The following MIGA2 variants were observed in gnomAD, a reference collection of about 807,000 sequenced individuals.
MIGA2 encodes the protein mitoguardin 2, also known as family with sequence similarity 73, member B.
MIGA2 carries 36 observed loss-of-function variants against 69.9 expected under a neutral mutation model. The ratio of observed to expected loss-of-function variants is 0.52; its 90% CI spans 0.39 to 0.68. MIGA2 has a LOEUF of 0.68. Among genes scored for constraint, MIGA2 ranks in the 30% least tolerant of loss-of-function variants. MIGA2 has a pLI of 0.00. For missense variants in MIGA2, 660 were observed against 787.7 expected (o/e 0.84, Z 1.94); for synonymous variants, 333 against 349.2 (o/e 0.95, Z 0.52).
intron 6 of MIGA2, among the ~76,000 whole-genome samples, chr9:129,055,265 A>G (rs928718002): frequency 2.0e-5 from 3 of 151,184 alleles, no homozygotes; most frequent in African/African-American, 7.3e-5. Flanking sequence ...TTTAGTAGAG[A>G]CGGGGTTTCT....
rs1410195769 is a variant in MIGA2, at chr9:129,069,887, G to A, written c.1497G>A (p.Ser499=). Reference sequence around the variant, plus strand: ...TCATCTCCCATTTCTACTCCGTATCGGAGCATGTGAGCCCTGTCCTAGCCT... The same window carrying A: ...TCATCTCCCATTTCTACTCCGTATCAGAGCATGTGAGCCCTGTCCTAGCCT... The part of the protein sequence containing the change: ...DGFISHFYSV[S]EHVSPVLAFG... Residue 499 remains serine (S), a synonymous_variant, in exon 15 of 16, where the codon TCG becomes TCA. Transcript: ENST00000684074. The surrounding 1 kb of genome is among the most constrained non-coding windows in gnomAD (Gnocchi z 4.9). 20 of 1,613,830 alleles carry A rather than the reference G, an allele frequency of 1.2e-5. No homozygotes were observed. The highest frequency in any genetic ancestry group is 3.3e-5 in the South Asian group (3 of 91,094).
chr9:129,061,375 G>T lies in MIGA2; in HGVS notation c.1010+29G>T. The T allele has an allele frequency of 6.7e-7, 1 of 1,497,880 alleles. No homozygotes were observed. Among genetic ancestry groups the T allele is most frequent in the Non-Finnish European group, 9.2e-7 (1 of 1,085,822 alleles). The allele number at this position is 1,497,880 out of a possible 1,614,324, so 92.8% of individuals were successfully genotyped here. A position where few individuals can be genotyped will look rare whatever the true frequency, so the allele number is the denominator to read the frequency against. The stretch of plus-strand genomic sequence containing the variant: ...AGCAGGTGTGGAGGGAGGGAGGGAG[G>T]GAGCAGGAGGCGATGGGTGATTCTG... On this transcript the variant is annotated intron_variant, in intron 9 of 15. Transcript: ENST00000684074. The surrounding 1 kb of genome is among the most constrained non-coding windows in gnomAD (Gnocchi z 5.0).
At chr9:129,047,896 T>C (rs1845315396) in intron 3 of MIGA2, among the ~76,000 whole-genome samples, 1 of 151,806 alleles carries the variant, frequency 6.6e-6, no homozygotes, top group African/African-American at 2.4e-5. Flanking sequence ...ACTTGGCTAA[T>C]TTTTGTATTT....
In MIGA2 at chr9:129,070,314, C is replaced by T. The variant is rs202169772; in HGVS notation, c.1643C>T (p.Ala548Val). Residue 548 changes from alanine (A) to valine (V), a missense_variant, in exon 16 of 16, where the codon GCG becomes GTG. Ala to Val is a moderately conservative substitution (Grantham distance 64). Coordinates refer to ENST00000684074, the MANE Select transcript of MIGA2 (RefSeq NM_001329990.2). Reference sequence around the variant, plus strand: ...AATGTGCGCTACACGTCACTGCCCGCGCTGGCAGACGACATCCTGCAGCTG... The same window carrying T: ...AATGTGCGCTACACGTCACTGCCCGTGCTGGCAGACGACATCCTGCAGCTG... ...LDNVRYTSLP[A>V]LADDILQLSR... The T allele has an allele frequency of 1.7e-5, 28 of 1,613,176 alleles. No homozygotes were observed. The highest frequency in any genetic ancestry group is 5.0e-5 in the Admixed American group (3 of 60,034).
At position 129,068,673 on chromosome 9, in the gene MIGA2, T is replaced by A. The variant is rs1432395943; in HGVS notation, c.1404+341T>A. 4.8e-6 allele frequency: 2 copies of A among 413,580 alleles called. No homozygotes were observed. The highest frequency in any genetic ancestry group is 4.6e-5 in the East Asian group (1 of 21,760). The allele number at this position is 413,580 out of a possible 1,614,324, so 25.6% of individuals were successfully genotyped here. A position where few individuals can be genotyped will look rare whatever the true frequency, so the allele number is the denominator to read the frequency against. On this transcript the variant is annotated intron_variant, in intron 13 of 15. Coordinates refer to ENST00000684074, the MANE Select transcript of MIGA2 (RefSeq NM_001329990.2). The surrounding 1 kb of genome is among the most constrained non-coding windows in gnomAD (Gnocchi z 4.1). ...ACCAAAAGGAAAAAAAGGCACAGAG[T>A]GAGAGACAACCCAGCACAGGACCCC...
intron 11 of MIGA2, among the ~76,000 whole-genome samples, chr9:129,067,051 G>C: frequency 6.7e-6 from 1 of 150,114 alleles, no homozygotes; most frequent in Non-Finnish European, 1.5e-5. Context: ...CAGGAGAATG[G>C]CGTGAACCCG....
Position 129,071,216 on chromosome 9 carries a change from CAG to C in MIGA2, c.*765_*766del, listed in dbSNP as rs1416370894. On this transcript the variant is annotated 3_prime_UTR_variant, in exon 16 of 16. Transcript: ENST00000684074. ...GGTGCTAGGCTCTGAGCTGGGGGCT[CAG>C]ACCAGGGATCGCTCAGGCCCCTGTC... 1 of 152,350 alleles carries C rather than the reference CAG, an allele frequency of 6.6e-6. No individual in the cohort carries two copies. The highest frequency in any genetic ancestry group is 1.5e-5 in the Non-Finnish European group (1 of 68,120). The allele number at this position is 152,350 out of a possible 1,614,324, so 9.4% of individuals were successfully genotyped here.
At chr9:129,057,248 CT>C (rs1231037938) in intron 6 of MIGA2, among the ~76,000 whole-genome samples, 1 of 151,850 alleles carries the variant, frequency 6.6e-6, no homozygotes, top group Non-Finnish European at 1.5e-5. Context: ...CAATGATTTT[CT>C]TTTTTAAAAT....
intron 3 of MIGA2, among the ~76,000 whole-genome samples, chr9:129,045,889 C>G (rs1417480122): frequency 6.7e-6 from 1 of 148,742 alleles, no homozygotes; most frequent in East Asian, 2.0e-4. Context: ...GAGTCTTGCT[C>G]TGTCGCCAGG....
chr9:129,042,258 C>T (rs781764767), intron 2 of MIGA2, 46 bp from the exon 3 acceptor site: 1 of 1,599,032 alleles, frequency 6.3e-7, no homozygotes, highest in Non-Finnish European at 8.6e-7. Flanking sequence ...CTGCCTTGGA[C>T]CTTCCCCAGG....
Position 129,052,201 on chromosome 9 carries a change from C to T in MIGA2, c.675+2238C>T, listed in dbSNP as rs765687186. Among the ~76,000 whole-genome samples the T allele has an allele frequency of 9.7e-4, 147 of 152,112 alleles. 1 individual carries two copies. Among genetic ancestry groups the T allele is most frequent in the Non-Finnish European group, 2.0e-3 (136 of 68,002 alleles). On this transcript the variant is annotated intron_variant, in intron 6 of 15. Transcript: ENST00000684074. Reference sequence around the variant, plus strand: ...AGTGCAGTGGCGTGATCTTGGCTCACTGCAGCCTCCACCTCCTGGGTTCAA... The same window carrying T: ...AGTGCAGTGGCGTGATCTTGGCTCATTGCAGCCTCCACCTCCTGGGTTCAA...
Position 129,060,348 on chromosome 9 carries a change from AAGG to A in MIGA2, c.794-198_794-196del, listed in dbSNP as rs1465489130. 3.8e-6 allele frequency: 2 copies of A among 530,450 alleles called. No homozygotes were observed. The highest frequency in any genetic ancestry group is 6.8e-6 in the Non-Finnish European group (2 of 295,376). The allele number at this position is 530,450 out of a possible 1,614,324, so 32.9% of individuals were successfully genotyped here. ...ACCTCCGAGGATGTCGTGGGTGTTG[AAGG>A]AGGTCACTCACTGAGGCGAGGAGTC... On this transcript the variant is annotated intron_variant, in intron 7 of 15. Coordinates refer to ENST00000684074, the MANE Select transcript of MIGA2 (RefSeq NM_001329990.2). The surrounding 1 kb of genome is among the most constrained non-coding windows in gnomAD (Gnocchi z 4.8).
chr9:129,063,518 C>G (rs776131516), intron 10 of MIGA2, 27 bp from the exon 11 acceptor site: 2 of 1,612,608 alleles, frequency 1.2e-6, no homozygotes, highest in Non-Finnish European at 1.7e-6. Flanking sequence ...CCCGGCAGCT[C>G]ACTCCCCTCC....
chr9:129,042,494 A>C lies in MIGA2; in HGVS notation c.287A>C (p.Lys96Thr). 1.9e-6 allele frequency: 3 copies of C among 1,578,500 alleles called. No homozygotes were observed. The highest frequency in any genetic ancestry group is 8.6e-7 in the Non-Finnish European group (1 of 1,163,304). ...TVPLPILLAR[K>T]VPSVKKGYSS... is the part of the protein sequence containing the mutation. ...CCCCTCCCTATCCTCTTGGCCAGGA[A>C]GGTCCCTTCAGTGAAGAAAGGTAGG... Residue 96 changes from lysine (K) to threonine (T), a missense_variant, in exon 3 of 16, where the codon AAG becomes ACG. This residue lies in a region of MIGA2 where 386 missense variants were observed against 402.0 expected (regional missense o/e 0.96). Transcript: ENST00000684074.
intron 3 of MIGA2, among the ~76,000 whole-genome samples, chr9:129,044,330 T>C (rs564019099): frequency 1.3e-4 from 19 of 151,786 alleles, no homozygotes; most frequent in South Asian, 4.2e-4. Context: ...ACTACTACAC[T>C]TAACTAGTCT....
At chr9:129,047,293 T>G (rs10732397) in intron 3 of MIGA2, 141,381 of 152,224 alleles carry the variant, frequency 0.93, 65,740 homozygotes, top group African/African-American at 0.98. Flanking sequence ...GGGCCAGGCT[T>G]CTCTCGAACT....
intron 3 of MIGA2, among the ~76,000 whole-genome samples, chr9:129,046,166 A>G (rs920328594): frequency 8.5e-5 from 13 of 152,152 alleles, no homozygotes; most frequent in Non-Finnish European, 1.6e-4. Flanking sequence ...AATTGGAACA[A>G]GAAGTCTTGA....
chr9:129,042,815 G>C (rs1250643739), intron 3 of MIGA2, among the ~76,000 whole-genome samples: 1 of 152,182 alleles, frequency 6.6e-6, no homozygotes, highest in Non-Finnish European at 1.5e-5. Flanking sequence ...TGGGTCCAGA[G>C]AGGGATGTTC....
chr9:129,067,379 C>T (rs1307311254), intron 11 of MIGA2: 1 of 199,434 alleles, frequency 5.0e-6, no homozygotes, highest in Admixed American at 5.5e-5. Flanking sequence ...CACACGAGCT[C>T]GGCAACTGCC....
Sources: allele counts gnomAD v4.1 joint callset (sites outside exome capture counted in the v4.1 genomes callset), GRCh38; gene constraint gnomAD v4.1.1; regional missense constraint gnomAD v4.1.1; non-coding constraint Gnocchi (gnomAD v3.1); transcripts MANE v1.5; gene names NCBI Gene and HGNC (gene_info 2026-07-23, HGNC 2026-07-21).